TAFA1: variants seen among roughly 807,000 people sequenced by gnomAD.
The protein encoded by TAFA1 is chemokine-like protein TAFA-1.
A neutral mutation model predicts 18.5 loss-of-function variants in TAFA1; 4 were observed. The ratio of observed to expected loss-of-function variants is 0.22; its 90% CI spans 0.11 to 0.49. The LOEUF (loss-of-function observed/expected upper bound fraction) is 0.49, where lower values mean the gene tolerates loss of function less well. Among genes scored for constraint, TAFA1 ranks in the 20% least tolerant of loss-of-function variants. The probability of loss-of-function intolerance (pLI) is 0.98; values close to 1 mark genes in which losing one functional copy is unlikely to be tolerated. For missense variants in TAFA1, 147 were observed against 169.0 expected (o/e 0.87, Z 0.72); for synonymous variants, 56 against 55.2 (o/e 1.01, Z -0.06).
At chr3:68,232,144 A>T (rs887348221) in intron 2 of TAFA1, among the ~76,000 whole-genome samples, 1 of 152,178 alleles carries the variant, frequency 6.6e-6, no homozygotes, top group Non-Finnish European at 1.5e-5. Context: ...CTATACTACT[A>T]TAGGACACTG....
chr3:68,268,258 G>A (rs2067586629), intron 2 of TAFA1, among the ~76,000 whole-genome samples: 1 of 152,030 alleles, frequency 6.6e-6, no homozygotes, highest in Non-Finnish European at 1.5e-5. Context: ...GCTACTTCAG[G>A]ATATAAGAAA....
chr3:68,535,215 A>G (rs1210257621), intron 3 of TAFA1, among the ~76,000 whole-genome samples: 2 of 152,132 alleles, frequency 1.3e-5, no homozygotes, highest in African/African-American at 4.8e-5. Flanking sequence ...ATGTAACTGA[A>G]AGTTTTACAA....
At chr3:68,251,849 C>A (rs1480233964) in intron 2 of TAFA1, among the ~76,000 whole-genome samples, 1 of 152,046 alleles carries the variant, frequency 6.6e-6, no homozygotes, top group Non-Finnish European at 1.5e-5. Context: ...TATGTAGGTG[C>A]CAGGAAAGGA....
chr3:68,465,839 T>C (rs2071876824), intron 3 of TAFA1, among the ~76,000 whole-genome samples: 1 of 152,124 alleles, frequency 6.6e-6, no homozygotes, highest in Admixed American at 6.6e-5. Flanking sequence ...TAGGAAATTA[T>C]GTATACAACA....
chr3:68,073,589 T>A (rs905859898), intron 2 of TAFA1, among the ~76,000 whole-genome samples: 2 of 152,252 alleles, frequency 1.3e-5, no homozygotes, highest in South Asian at 2.1e-4. Flanking sequence ...AACTGTCTAA[T>A]AAGGTTTAGT....
intron 2 of TAFA1, among the ~76,000 whole-genome samples, chr3:68,139,657 C>T (rs145998913): frequency 6.6e-6 from 1 of 152,240 alleles, no homozygotes; most frequent in East Asian, 1.9e-4. Context: ...GACTTGAATA[C>T]CCTAAGGGCA....
chr3:68,513,620 A>C (rs1006524572), intron 3 of TAFA1, among the ~76,000 whole-genome samples: 2 of 152,080 alleles, frequency 1.3e-5, no homozygotes, highest in East Asian at 3.9e-4. Context: ...AGTCCCTCCA[A>C]ACTGTGAGCC....
At chr3:68,370,492 A>ATT (rs1553682571) in intron 2 of TAFA1, among the ~76,000 whole-genome samples, 2 of 85,298 alleles carry the variant, frequency 2.3e-5, no homozygotes, top group Admixed American at 1.4e-4. Flanking sequence ...ATATATATAT[A>ATT]TATATATATA....
rs549229078 is a variant in TAFA1, at chr3:68,078,781, T to C, written c.118+72037T>C. On this transcript the variant is annotated intron_variant, in intron 2 of 4. Transcript: ENST00000478136. ...ATTGGTCTAAAATTCTCTTTTTTTG[T>C]TGTGTCTCTGCCTGGCTTTGGTATC... Among the ~76,000 whole-genome samples the C allele has an allele frequency of 3.9e-5, 6 of 152,342 alleles. No individual in the cohort carries two copies. The South Asian group carries it at 1.2e-3, about 32-fold the overall frequency.
intron 3 of TAFA1, among the ~76,000 whole-genome samples, chr3:68,496,692 T>C (rs1367050654): frequency 2.6e-5 from 4 of 152,160 alleles, no homozygotes; most frequent in Admixed American, 2.6e-4. Context: ...GTTAAGAATA[T>C]GGGACCCAAG....
chr3:68,136,180 A>G (rs1002742338), intron 2 of TAFA1, among the ~76,000 whole-genome samples: 1 of 152,180 alleles, frequency 6.6e-6, no homozygotes, highest in Non-Finnish European at 1.5e-5. Flanking sequence ...GCAACACATG[A>G]TAGACCTATA....
At chr3:68,211,869 C>A (rs1212727177) in intron 2 of TAFA1, among the ~76,000 whole-genome samples, 1 of 152,038 alleles carries the variant, frequency 6.6e-6, no homozygotes, top group South Asian at 2.1e-4. Flanking sequence ...TGACACAGCA[C>A]CAAGCCGTTT....
intron 2 of TAFA1, among the ~76,000 whole-genome samples, chr3:68,411,134 A>C (rs892481963): frequency 1.8e-4 from 27 of 152,164 alleles, no homozygotes; most frequent in African/African-American, 6.0e-4. Context: ...GGGAGTCTTG[A>C]AAAATTTTAT....
chr3:68,143,605 T>C (rs897416446), intron 2 of TAFA1, among the ~76,000 whole-genome samples: 3 of 152,174 alleles, frequency 2.0e-5, no homozygotes, highest in South Asian at 4.1e-4. Flanking sequence ...ATGCCAGTTA[T>C]GACATCCCCA....
chr3:68,118,983 C>T (rs1243989997), intron 2 of TAFA1, among the ~76,000 whole-genome samples: 1 of 151,950 alleles, frequency 6.6e-6, no homozygotes, highest in Admixed American at 6.6e-5. Flanking sequence ...CATTTTTCAT[C>T]CCCACCAACA....
intron 3 of TAFA1, among the ~76,000 whole-genome samples, chr3:68,527,881 C>T (rs1275243381): frequency 6.6e-6 from 1 of 152,082 alleles, no homozygotes; most frequent in African/African-American, 2.4e-5. Flanking sequence ...TTTCACAATC[C>T]ATGTCCTCCC....
chr3:68,540,370 A>G (rs935969171), intron 4 of TAFA1, among the ~76,000 whole-genome samples: 1 of 152,148 alleles, frequency 6.6e-6, no homozygotes, highest in Non-Finnish European at 1.5e-5. Flanking sequence ...TACAAAAGAC[A>G]TTATTCAGAA....
intron 2 of TAFA1, among the ~76,000 whole-genome samples, chr3:68,043,592 G>A (rs1272460440): frequency 6.6e-6 from 1 of 152,128 alleles, no homozygotes; most frequent in African/African-American, 2.4e-5. Context: ...CTTTTTCTCT[G>A]GCATCTAAAA....
intron 2 of TAFA1, among the ~76,000 whole-genome samples, chr3:68,353,618 C>A (rs2069310398): frequency 6.6e-6 from 1 of 151,742 alleles, no homozygotes; most frequent in African/African-American, 2.4e-5. Context: ...AAGTAGGGAA[C>A]AATAGAAGGA....
Sources: allele counts gnomAD v4.1 joint callset (sites outside exome capture counted in the v4.1 genomes callset), GRCh38; gene constraint gnomAD v4.1.1; transcripts MANE v1.5; gene names NCBI Gene and HGNC (gene_info 2026-07-23, HGNC 2026-07-21).